Variants in TP53INP1 observed in about 807,000 individuals in gnomAD.
TP53INP1 encodes the protein tumor protein p53-inducible nuclear protein 1.
TP53INP1 carries 12 observed loss-of-function variants against 21.0 expected under a neutral mutation model. That is an observed-to-expected ratio of 0.57 (90% CI 0.37 to 0.93). The LOEUF is 0.93. Ranked by LOEUF, TP53INP1 falls within the 40% of genes least tolerant of loss-of-function variation. The pLI is 0.01. For synonymous variants in TP53INP1, 91 were observed against 94.8 expected (o/e 0.96, Z 0.23); for missense variants, 274 against 294.7 (o/e 0.93, Z 0.51).
At chr8:94,934,149 GA>G (rs141439112) in intron 3 of TP53INP1, among the ~76,000 whole-genome samples, 114,726 of 148,330 alleles carry the variant, frequency 0.77, 45,619 homozygotes, top group East Asian at 0.89. Flanking sequence ...TACAGGCACA[GA>G]AAAAAAAAAA....
At chr8:94,943,998 C>T (rs1284717505) in intron 1 of TP53INP1, among the ~76,000 whole-genome samples, 1 of 152,186 alleles carries the variant, frequency 6.6e-6, no homozygotes, top group African/African-American at 2.4e-5. Flanking sequence ...AATAAGTTAT[C>T]ATAAGGTCTG....
Position 94,930,645 on chromosome 8 carries a change from G to A in TP53INP1, c.557C>T (p.Pro186Leu), listed in dbSNP as rs1820304485. ...CCACTGGGAAGGGCGAAAGCTCTTG[G>A]GTTGTTCCAGAAAAGTTGTATGAGC... Reference protein sequence around the residue: ...LAAHTTFLEQPKSFRPSQWIK... With the variant: ...LAAHTTFLEQLKSFRPSQWIK... The change falls in exon 4 of 4, where the codon CCC becomes CTC. Residue 186 changes from proline (P) to leucine (L), a missense_variant. Transcript: ENST00000342697. The A allele has an allele frequency of 1.9e-6, 3 of 1,614,166 alleles. No individual in the cohort carries two copies. The African/African-American group carries it at 4.0e-5, about 22-fold the overall frequency.
In TP53INP1 at chr8:94,940,227, C is replaced by A. The variant is rs750334220; in HGVS notation, c.113-7G>T. The A allele has an allele frequency of 1.3e-6, 2 of 1,598,806 alleles. No homozygotes were observed. The highest frequency in any genetic ancestry group is 1.7e-5 in the Admixed American group (1 of 59,162). On this transcript the variant is annotated splice_polypyrimidine_tract_variant and splice_region_variant and intron_variant, in intron 2 of 3. Coordinates refer to ENST00000342697, the MANE Select transcript of TP53INP1 (RefSeq NM_033285.4). ...GAGAAACCAGTGCAAGTATCTAGAT[C>A]GTAGTCCACATTGCAGTCCACATGT...
In TP53INP1 at chr8:94,941,634, A is replaced by C. The variant is rs564566115; in HGVS notation, c.-150-543T>G. ...ACAATTCCTACAGCTGGCATGAAGA[A>C]ATTTACACTGTAGGAAACTGAGCTT... On this transcript the variant is annotated intron_variant, in intron 1 of 3. Coordinates refer to ENST00000342697, the MANE Select transcript of TP53INP1 (RefSeq NM_033285.4). 5.3e-5 allele frequency among the ~76,000 whole-genome samples: 8 copies of C among 152,364 alleles called. No individual in the cohort carries two copies. The East Asian group carries it at 1.3e-3, about 26-fold the overall frequency.
In TP53INP1 at chr8:94,940,037, G is replaced by A. The variant is rs1354337525; in HGVS notation, c.296C>T (p.Thr99Ile). ...SCPMEESWFI[T>I]PPPCFTAGGL... ...ACCTGCAGTAAAACATGGGGGTGGG[G>A]TGATAAACCAGCTCTCCTCCATTGG... Residue 99 changes from threonine (T) to isoleucine (I), a missense_variant, in exon 3 of 4, where the codon ACC becomes ATC. By Grantham distance (89) the Thr-to-Ile change is moderately conservative (BLOSUM62 -1). Transcript: ENST00000342697. 6.2e-7 allele frequency: 1 copy of A among 1,614,216 alleles called. No individual in the cohort carries two copies.
intron 3 of TP53INP1, 144 bp from the exon 4 acceptor site, chr8:94,930,872 T>G: frequency 1.0e-6 from 1 of 999,202 alleles, no homozygotes; most frequent in Non-Finnish European, 1.4e-6. Context: ...CAGACAAGTT[T>G]ATTATTCTGT....
intron 3 of TP53INP1, among the ~76,000 whole-genome samples, chr8:94,937,440 C>CA (rs1173351669): frequency 0.036 from 3,325 of 93,434 alleles, 102 homozygotes; most frequent in African/African-American, 0.09. Context: ...GACTCCATCT[C>CA]AAAAAAAAAA....
At chr8:94,942,430 T>C (rs1586743871) in intron 1 of TP53INP1, among the ~76,000 whole-genome samples, 1 of 152,160 alleles carries the variant, frequency 6.6e-6, no homozygotes, top group Non-Finnish European at 1.5e-5. Context: ...CCTGCTTCCA[T>C]CCACCACTCT....
At chr8:94,936,923 G>T (rs966065213) in intron 3 of TP53INP1, among the ~76,000 whole-genome samples, 18 of 152,226 alleles carry the variant, frequency 1.2e-4, no homozygotes, top group Non-Finnish European at 4.4e-5. Flanking sequence ...GCCAGCAAAA[G>T]AGACAGACTA....
Position 94,926,680 on chromosome 8 carries a change from T to G in TP53INP1, c.*3799A>C, listed in dbSNP as rs1051036619. ...CAAAACATTGTCCACTTAAGCTGCC[T>G]GCCTTTCAAGAGTAACTCTCCTCCC... On this transcript the variant is annotated 3_prime_UTR_variant, in exon 4 of 4. Coordinates refer to ENST00000342697, the MANE Select transcript of TP53INP1 (RefSeq NM_033285.4). The G allele has an allele frequency of 2.1e-4, 32 of 152,342 alleles. No homozygotes were observed. Among genetic ancestry groups the G allele is most frequent in the African/African-American group, 7.5e-4 (31 of 41,584 alleles). 9.4% of individuals were successfully genotyped at this position (152,342 alleles called of 1,614,324 possible).
At chr8:94,931,707 G>A (rs1289985246) in intron 3 of TP53INP1, among the ~76,000 whole-genome samples, 5 of 152,120 alleles carry the variant, frequency 3.3e-5, no homozygotes, top group Admixed American at 2.6e-4. Context: ...AGGCGCTGTG[G>A]CTCGCTCTTG....
rs1285592138 is a variant in TP53INP1, at chr8:94,927,982, G to A, written c.*2497C>T. The A allele has an allele frequency of 2.6e-5, 4 of 152,172 alleles. No homozygotes were observed. The highest frequency in any genetic ancestry group is 3.9e-4 in the East Asian group (2 of 5,172). 9.4% of individuals were successfully genotyped at this position (152,172 alleles called of 1,614,324 possible). A position where few individuals can be genotyped will look rare whatever the true frequency, so the allele number is the denominator to read the frequency against. On this transcript the variant is annotated 3_prime_UTR_variant, in exon 4 of 4. Transcript: ENST00000342697. ...ATACTTAACAGGTCAACATCGTTCTGTGTTGTGGTTGGCCTTGTGTCTTAC... is the reference window on the plus strand; with the variant it reads ...ATACTTAACAGGTCAACATCGTTCTATGTTGTGGTTGGCCTTGTGTCTTAC...
intron 1 of TP53INP1, among the ~76,000 whole-genome samples, chr8:94,945,116 C>G (rs1439899671): frequency 6.6e-6 from 1 of 152,156 alleles, no homozygotes; most frequent in Non-Finnish European, 1.5e-5. Flanking sequence ...TCCAGTTAAA[C>G]TTAAAAGCTG....
At chr8:94,931,609 C>T (rs201770242) in intron 3 of TP53INP1, among the ~76,000 whole-genome samples, 115,188 of 151,608 alleles carry the variant, frequency 0.76, 45,779 homozygotes, top group East Asian at 0.89. Context: ...CACACACACA[C>T]ATAAAATTTT....
chr8:94,944,358 G>T (rs1477775899), intron 1 of TP53INP1, among the ~76,000 whole-genome samples: 3 of 152,248 alleles, frequency 2.0e-5, no homozygotes, highest in South Asian at 4.1e-4. Context: ...CACTGCAGTT[G>T]TGACAGCTGC....
chr8:94,935,462 T>C (rs1820889337), intron 3 of TP53INP1, among the ~76,000 whole-genome samples: 1 of 152,196 alleles, frequency 6.6e-6, no homozygotes, highest in African/African-American at 2.4e-5. Context: ...TGTCTGTAAA[T>C]TCGGGGAAAC....
intron 3 of TP53INP1, among the ~76,000 whole-genome samples, chr8:94,935,078 A>G (rs1297799777): frequency 1.3e-5 from 2 of 152,100 alleles, no homozygotes; most frequent in Non-Finnish European, 2.9e-5. Flanking sequence ...TTATATCTGG[A>G]AAACAGGAAA....
In TP53INP1 at chr8:94,926,206, A is replaced by C. The variant is rs1249292215; in HGVS notation, c.*4273T>G. The stretch of plus-strand genomic sequence containing the variant: ...ACAAAATTTAGACCGTGGCTCAAGA[A>C]AACAAGCTGCCATTTATGCATAGAT... On this transcript the variant is annotated 3_prime_UTR_variant, in exon 4 of 4. Transcript: ENST00000342697. 1 of 152,606 alleles carries C rather than the reference A, an allele frequency of 6.6e-6. No homozygotes were observed. The highest frequency in any genetic ancestry group is 1.9e-4 in the East Asian group (1 of 5,198). The allele number at this position is 152,606 out of a possible 1,614,324, so 9.5% of individuals were successfully genotyped here.
intron 3 of TP53INP1, 115 bp from the exon 4 acceptor site, chr8:94,930,843 G>T: frequency 8.3e-7 from 1 of 1,201,400 alleles, no homozygotes; most frequent in Non-Finnish European, 1.1e-6. Context: ...CTGAATGAGA[G>T]CTTGTGTTTC....
Sources: gnomAD v4.1 joint callset for allele counts (sites outside exome capture counted in the v4.1 genomes callset) on GRCh38, gnomAD v4.1.1 for gene constraint, MANE v1.5 for transcripts, NCBI Gene and HGNC (gene_info 2026-07-23, HGNC 2026-07-21) for gene names.